The following PRKD1 variants were observed in gnomAD, a reference collection of about 807,000 sequenced individuals.
PRKD1 encodes serine/threonine-protein kinase D1.
In PRKD1, 63 loss-of-function variants were observed where a neutral mutation model predicts 95.9. The observed-to-expected ratio is 0.66, with a 90% confidence interval of 0.54 to 0.81. The LOEUF (loss-of-function observed/expected upper bound fraction) is 0.81, where lower values mean the gene tolerates loss of function less well. Among genes scored for constraint, PRKD1 ranks in the 30% least tolerant of loss-of-function variants. PRKD1 has a pLI of 0.00. For missense variants in PRKD1, 1,048 were observed against 1,165.3 expected, an observed-to-expected ratio of 0.90 and a Z score of 1.47; for synonymous variants, 425 against 423.1, an observed-to-expected ratio of 1.00 and a Z score of -0.05.
At chr14:29,888,417 A>G (rs1459554011) in intron 1 of PRKD1, among the ~76,000 whole-genome samples, 1 of 152,228 alleles carries the variant, frequency 6.6e-6, no homozygotes, top group African/African-American at 2.4e-5. Context: ...AAGAAGGCCT[A>G]TAGAAAGACA....
chr14:29,585,209 C>T (rs1253831743), intron 16 of PRKD1, among the ~76,000 whole-genome samples: 1 of 152,158 alleles, frequency 6.6e-6, no homozygotes, highest in Non-Finnish European at 1.5e-5. Context: ...GCTCTCAACC[C>T]AGCATGCTGT....
chr14:29,783,344 CTAAA>C (rs1435826862), intron 1 of PRKD1, among the ~76,000 whole-genome samples: 6 of 152,144 alleles, frequency 3.9e-5, no homozygotes, highest in East Asian at 1.9e-4. Flanking sequence ...TTTTTTATGG[CTAAA>C]TAGTGTTCTG....
Position 29,629,772 on chromosome 14 carries a change from T to G in PRKD1, c.1673-679A>C, listed in dbSNP as rs74774222. On this transcript the variant is annotated intron_variant, in intron 10 of 17. Transcript: ENST00000331968. The stretch of plus-strand genomic sequence containing the variant: ...CTCATTCTACTAATGAACAGAGAAT[T>G]CTTCCTGGGATAAAGTGATCAAGAA... 3.7e-3 allele frequency among the ~76,000 whole-genome samples: 556 copies of G among 152,230 alleles called. 17 individuals carry two copies. The highest frequency in any genetic ancestry group is 0.028 in the East Asian group (143 of 5,162).
intron 1 of PRKD1, among the ~76,000 whole-genome samples, chr14:29,734,973 C>G (rs1035079361): frequency 2.6e-5 from 4 of 152,124 alleles, no homozygotes; most frequent in Non-Finnish European, 5.9e-5. Context: ...TAGTACTTAC[C>G]TTGTTTGTTT....
chr14:29,874,898 T>C (rs1350715041), intron 1 of PRKD1, among the ~76,000 whole-genome samples: 2 of 152,124 alleles, frequency 1.3e-5, no homozygotes, highest in African/African-American at 4.8e-5. Context: ...TAAATTTACA[T>C]TAAGAAGAAG....
chr14:29,601,703 G>T (rs3783301), intron 13 of PRKD1, among the ~76,000 whole-genome samples: 76,926 of 152,050 alleles, frequency 0.51, 22,093 homozygotes, highest in African/African-American at 0.79. Context: ...GAGGGCCAGA[G>T]GCTAAGGAGG....
chr14:29,645,410 C>T (rs766861614), intron 4 of PRKD1, among the ~76,000 whole-genome samples: 12 of 152,074 alleles, frequency 7.9e-5, no homozygotes, highest in Non-Finnish European at 1.2e-4. Flanking sequence ...TGCCTACTTT[C>T]CTATTCAGGT....
chr14:29,859,553 A>C (rs1020179324), intron 1 of PRKD1, among the ~76,000 whole-genome samples: 6 of 151,622 alleles, frequency 4.0e-5, no homozygotes, highest in Non-Finnish European at 7.4e-5. Flanking sequence ...GCTTGCAGTG[A>C]GCTGAGATCC....
intron 1 of PRKD1, among the ~76,000 whole-genome samples, chr14:29,880,197 A>G (rs1485740012): frequency 6.6e-6 from 1 of 152,190 alleles, no homozygotes; most frequent in Admixed American, 6.5e-5. Flanking sequence ...CCAGGGGCCC[A>G]GGAGGAAACA....
At chr14:29,762,497 G>T (rs1302504500) in intron 1 of PRKD1, among the ~76,000 whole-genome samples, 1 of 152,120 alleles carries the variant, frequency 6.6e-6, no homozygotes, top group Non-Finnish European at 1.5e-5. Flanking sequence ...CTACTTACAA[G>T]ATTCTTATAT....
chr14:29,698,037 T>G (rs1046663796), intron 2 of PRKD1, among the ~76,000 whole-genome samples: 22 of 152,186 alleles, frequency 1.4e-4, no homozygotes, highest in African/African-American at 5.3e-4. Context: ...GATTACATCT[T>G]ATCTTTCAAA....
chr14:29,587,859 T>G (rs1892990360), intron 16 of PRKD1, among the ~76,000 whole-genome samples: 1 of 152,190 alleles, frequency 6.6e-6, no homozygotes, highest in African/African-American at 2.4e-5. Context: ...TCCAGAATCT[T>G]AAGTTGAGAT....
intron 1 of PRKD1, among the ~76,000 whole-genome samples, chr14:29,900,966 A>C (rs913275843): frequency 6.6e-6 from 1 of 152,196 alleles, no homozygotes; most frequent in Non-Finnish European, 1.5e-5. Context: ...CTACCATTTG[A>C]CCCAGCAATC....
intron 1 of PRKD1, among the ~76,000 whole-genome samples, chr14:29,803,684 T>C (rs951833490): frequency 6.6e-6 from 1 of 152,224 alleles, no homozygotes; most frequent in Admixed American, 6.5e-5. Context: ...GTGGAAAGGT[T>C]GACCCATACT....
intron 1 of PRKD1, among the ~76,000 whole-genome samples, chr14:29,888,341 GAA>G (rs899541345): frequency 6.6e-6 from 1 of 151,210 alleles, no homozygotes. Context: ...AGGAAAGAAA[GAA>G]AGAGAAAATA....
intron 1 of PRKD1, among the ~76,000 whole-genome samples, chr14:29,923,345 C>A (rs925697621): frequency 1.3e-5 from 2 of 151,940 alleles, no homozygotes; most frequent in Admixed American, 6.6e-5. Context: ...AATATATACA[C>A]CTAAGCCCCA....
chr14:29,679,190 G>C (rs1381106844), intron 2 of PRKD1, among the ~76,000 whole-genome samples: 1 of 152,158 alleles, frequency 6.6e-6, no homozygotes, highest in African/African-American at 2.4e-5. Context: ...AATAAGCAAA[G>C]AATAGATTAA....
chr14:29,598,563 AG>A (rs1893398995), intron 15 of PRKD1, among the ~76,000 whole-genome samples: 1 of 152,202 alleles, frequency 6.6e-6, no homozygotes, highest in South Asian at 2.1e-4. Flanking sequence ...GCACATATAT[AG>A]GCAGGACCGG....
At chr14:29,916,519 G>A (rs933265468) in intron 1 of PRKD1, among the ~76,000 whole-genome samples, 6 of 152,162 alleles carry the variant, frequency 3.9e-5, no homozygotes, top group Non-Finnish European at 8.8e-5. Flanking sequence ...ACTCTTTCCT[G>A]CTTTTGACAA....
Sources: gnomAD v4.1 joint callset for allele counts (sites outside exome capture counted in the v4.1 genomes callset) on GRCh38, gnomAD v4.1.1 for gene constraint, MANE v1.5 for transcripts, NCBI Gene and HGNC (gene_info 2026-07-23, HGNC 2026-07-21) for gene names.